ZNF280B: variants seen among roughly 807,000 people sequenced by gnomAD.
The protein encoded by ZNF280B is suppressor of hairy wing homolog 2.
A neutral mutation model predicts 38.0 loss-of-function variants in ZNF280B; 16 were observed. The observed-to-expected ratio is 0.42, with a 90% confidence interval of 0.28 to 0.64. ZNF280B has a LOEUF of 0.64. ZNF280B is among the 30% of genes least tolerant of loss of function. The probability of loss-of-function intolerance (pLI) is 0.21; values close to 1 mark genes in which losing one functional copy is unlikely to be tolerated. For missense variants in ZNF280B, 581 were observed against 639.6 expected, an observed-to-expected ratio of 0.91 and a Z score of 0.99; for synonymous variants, 253 against 230.6, an observed-to-expected ratio of 1.10 and a Z score of -0.88.
At chr22:22,508,881 CT>C (rs1266798265), upstream of ZNF280B, 4 of 152,248 alleles carry the variant, frequency 2.6e-5, no homozygotes, top group Admixed American at 1.3e-4. Flanking sequence ...TCTGACGCCC[CT>C]GGTGGCGACG....
In ZNF280B at chr22:22,489,142, A is replaced by G. The variant is rs1569174395; in HGVS notation, c.257T>C (p.Leu86Ser). Residue 86 changes from leucine to serine, a missense_variant, in exon 4 of 4, where the codon TTG becomes TCG. Transcript: ENST00000626650. ...DHLRKDTARKLQPKSHETVTS... is the reference protein window; with the variant it reads ...DHLRKDTARKSQPKSHETVTS... ...AACGGTCTCATGACTTTTAGGCTGC[A>G]ATTTGCGAGCAGTATCTTTTCTAAG... The G allele has an allele frequency of 1.2e-6, 2 of 1,613,846 alleles. No homozygotes were observed. The highest frequency in any genetic ancestry group is 1.7e-6 in the Non-Finnish European group (2 of 1,179,956).
In ZNF280B at chr22:22,493,661, C is replaced by G. The variant is rs377216388; in HGVS notation, c.-69+402G>C. Among the ~76,000 whole-genome samples the G allele has an allele frequency of 9.2e-5, 14 of 152,022 alleles. No individual in the cohort carries two copies. In the East Asian group the frequency reaches 1.8e-3, roughly 19 times the overall value. Reference sequence around the variant, plus strand: ...GTCCATTCCTATTAATGGCCCCCAGCCCAGGCCGCAACTTCTAGGTTTAGG... The same window carrying G: ...GTCCATTCCTATTAATGGCCCCCAGGCCAGGCCGCAACTTCTAGGTTTAGG... On this transcript the variant is annotated intron_variant, in intron 3 of 3. Coordinates refer to ENST00000626650, the MANE Select transcript of ZNF280B (RefSeq NM_080764.4).
In ZNF280B at chr22:22,488,541, A is replaced by G. The variant is rs1365026790; in HGVS notation, c.858T>C (p.Ser286=). 11 of 1,613,952 alleles carry G rather than the reference A, an allele frequency of 6.8e-6. No individual in the cohort carries two copies. Among genetic ancestry groups the G allele is most frequent in the Non-Finnish European group, 9.3e-6 (11 of 1,179,978 alleles). Residue 286 remains serine (S), a synonymous_variant, in exon 4 of 4, where the codon AGT becomes AGC. Coordinates refer to ENST00000626650, the MANE Select transcript of ZNF280B (RefSeq NM_080764.4). ...CTTTATGCTGTCCATAGTAAAAGTC[A>G]CTAAGTAACACAATGGGATTTTCTT... is the stretch of plus-strand genomic sequence containing the variant. The part of the protein sequence containing the change: ...PKKENPIVLL[S]DFYYGQHKGE...
At chr22:22,505,171 T>C (rs1049398156) in intron 2 of ZNF280B, among the ~76,000 whole-genome samples, 1 of 151,876 alleles carries the variant, frequency 6.6e-6, no homozygotes, top group African/African-American at 2.4e-5. Context: ...ATCAATAGGC[T>C]AACACAGGTG....
rs1173488022 is a variant in ZNF280B at position 22,487,514 on chromosome 22, T to A, written c.*253A>T. The A allele has an allele frequency of 1.3e-3, 433 of 330,998 alleles. 2 individuals carry two copies. Among genetic ancestry groups the A allele is most frequent in the Middle Eastern group, 8.4e-4 (1 of 1,186 alleles). 20.5% of individuals were successfully genotyped at this position (330,998 alleles called of 1,614,324 possible). ...AAATAAATTAATACCTTTTTCTCTC[T>A]CTCACACACACACACAAACACCTTT... On this transcript the variant is annotated 3_prime_UTR_variant, in exon 4 of 4. Transcript: ENST00000626650.
rs757638552 is a variant in ZNF280B, at chr22:22,488,735, C to T, written c.664G>A (p.Val222Ile). 10 of 1,613,800 alleles carry T rather than the reference C, an allele frequency of 6.2e-6. No homozygotes were observed. In the Admixed American group the frequency reaches 6.7e-5, roughly 11 times the overall value. The change falls in exon 4 of 4, where the codon GTT becomes ATT. Residue 222 changes from valine to isoleucine, a missense_variant. Coordinates refer to ENST00000626650, the MANE Select transcript of ZNF280B (RefSeq NM_080764.4). ...TGAACATGGCTTAATGAGGTATGAA[C>T]ATTATTTGAGGGTGTACTTTGCTGA... The part of the protein sequence containing the change: ...NTQQSTPSNN[V>I]HTSLSHVQNG...
chr22:22,507,223 C>T (rs1413260983), intron 2 of ZNF280B, among the ~76,000 whole-genome samples: 1 of 151,946 alleles, frequency 6.6e-6, no homozygotes, highest in African/African-American at 2.4e-5. Flanking sequence ...TCACTGAAAC[C>T]TCATGAGTGA....
intron 2 of ZNF280B, among the ~76,000 whole-genome samples, chr22:22,502,528 T>A (rs2061846130): frequency 6.6e-6 from 1 of 151,892 alleles, no homozygotes; most frequent in African/African-American, 2.4e-5. Flanking sequence ...AACAACCGAA[T>A]GTAAATTAAT....
rs772704960 is a variant in ZNF280B, at chr22:22,488,505, C to A, written c.894G>T (p.Gln298His). 8 of 1,613,812 alleles carry A rather than the reference C, an allele frequency of 5.0e-6. No homozygotes were observed. Among genetic ancestry groups the A allele is most frequent in the Non-Finnish European group, 5.9e-6 (7 of 1,179,994 alleles). ...FYYGQHKGEG[Q>H]PEQKTHTTFK... Reference sequence around the variant, plus strand: ...AGGTGGTGTGAGTCTTCTGTTCCGGCTGCCCTTCTCCTTTATGCTGTCCAT... The same window carrying A: ...AGGTGGTGTGAGTCTTCTGTTCCGGATGCCCTTCTCCTTTATGCTGTCCAT... The change falls in exon 4 of 4, where the codon CAG (glutamine) becomes CAT (histidine). Residue 298 changes from glutamine (Q) to histidine (H), a missense_variant. Coordinates refer to ENST00000626650, the MANE Select transcript of ZNF280B (RefSeq NM_080764.4).
chr22:22,493,832 G>A lies in ZNF280B; in HGVS notation c.-69+231C>T, dbSNP rs556480615. Among the ~76,000 whole-genome samples, 25 of 151,904 alleles carry A rather than the reference G, an allele frequency of 1.6e-4. No individual in the cohort carries two copies. In the South Asian group the frequency reaches 2.1e-3, roughly 13 times the overall value. ...TTATATCACTCTTCTATCCCTAAGC[G>A]TTAAATGATTCCTCCAATTCTAGAG... On this transcript the variant is annotated intron_variant, in intron 3 of 3. Coordinates refer to ENST00000626650, the MANE Select transcript of ZNF280B (RefSeq NM_080764.4).
At chr22:22,498,959 A>C (rs1372935585) in intron 2 of ZNF280B, among the ~76,000 whole-genome samples, 1 of 151,356 alleles carries the variant, frequency 6.6e-6, no homozygotes, top group Non-Finnish European at 1.5e-5. Context: ...CATCACGCCC[A>C]GCTAATTTTT....
At position 22,487,381 on chromosome 22, in the gene ZNF280B, T is replaced by C. The variant is rs117713049; in HGVS notation, c.*386A>G. On this transcript the variant is annotated 3_prime_UTR_variant, in exon 4 of 4. Coordinates refer to ENST00000626650, the MANE Select transcript of ZNF280B (RefSeq NM_080764.4). ...AATGCTTGAGCCTGGAAGTTCAAGG[T>C]TGCAGTGAGCTAGGATCACGCCACT... is the stretch of plus-strand genomic sequence containing the variant. 0.023 allele frequency: 3,361 copies of C among 147,364 alleles called. 62 individuals carry two copies. Among genetic ancestry groups the C allele is most frequent in the Middle Eastern group, 0.1 (28 of 280 alleles). 9.1% of individuals were successfully genotyped at this position (147,364 alleles called of 1,614,324 possible).
chr22:22,494,486 G>A (rs185196898), intron 2 of ZNF280B, among the ~76,000 whole-genome samples: 4 of 152,006 alleles, frequency 2.6e-5, no homozygotes, highest in African/African-American at 7.2e-5. Flanking sequence ...CTCTACAAAT[G>A]TCCACCAATG....
rs201100321 is a variant in ZNF280B at position 22,487,779 on chromosome 22, T to G, written c.1620A>C (p.Lys540Asn). 5.1e-5 allele frequency: 81 copies of G among 1,573,004 alleles called. No homozygotes were observed. Among genetic ancestry groups the G allele is most frequent in the Non-Finnish European group, 3.1e-5 (36 of 1,163,558 alleles). Reference sequence around the variant, plus strand: ...ACTGAAACTAGAATTAATGGGACTTTTTTGAAATTTTGCTTTTAGACCTGG... The same window carrying G: ...ACTGAAACTAGAATTAATGGGACTTGTTTGAAATTTTGCTTTTAGACCTGG... ...SLPRSKSKISKKSH is the reference protein window; with the variant it reads ...SLPRSKSKISNKSH Residue 540 changes from lysine (K) to asparagine (N), a missense_variant, in exon 4 of 4, where the codon AAA becomes AAC. Coordinates refer to ENST00000626650, the MANE Select transcript of ZNF280B (RefSeq NM_080764.4).
Position 22,488,687 on chromosome 22 carries a change from C to G in ZNF280B, c.712G>C (p.Ala238Pro), listed in dbSNP as rs2061536247. Residue 238 changes from alanine to proline, a missense_variant, in exon 4 of 4, where the codon GCT (alanine) becomes CCT (proline). Transcript: ENST00000626650. ...AAATGGATATTGTCCTTTGGAAAAG[C>G]TGCTGGAAAAGGTGCTCCATTCTGA... is the stretch of plus-strand genomic sequence containing the variant. ...HVQNGAPFPA[A>P]FPKDNIHFKP... 1.9e-6 allele frequency: 3 copies of G among 1,613,558 alleles called. No individual in the cohort carries two copies. Among genetic ancestry groups the G allele is most frequent in the African/African-American group, 1.3e-5 (1 of 74,800 alleles).
In ZNF280B at chr22:22,486,879, T is replaced by C. The variant is rs2061509074; in HGVS notation, c.*888A>G. ...AACTAACCTCCGCCTTCTTGGTCTC[T>C]GCTCACGCAGCAGCTTCTCTTTCAA... On this transcript the variant is annotated 3_prime_UTR_variant, in exon 4 of 4. Coordinates refer to ENST00000626650, the MANE Select transcript of ZNF280B (RefSeq NM_080764.4). 1 of 152,028 alleles carries C rather than the reference T, an allele frequency of 6.6e-6. No homozygotes were observed. The highest frequency in any genetic ancestry group is 2.1e-4 in the South Asian group (1 of 4,818). The allele number at this position is 152,028 out of a possible 1,614,324, so 9.4% of individuals were successfully genotyped here.
chr22:22,494,182 T>TA lies in ZNF280B; in HGVS notation c.-186-3dup, dbSNP rs2061651010. ...CATCTTGATCTTGAACTTCCCAGCC[T>TA]AAAAATGTGAGAAATGAATTCCTGT... On this transcript the variant is annotated splice_region_variant and splice_polypyrimidine_tract_variant and intron_variant, in intron 2 of 3. Coordinates refer to ENST00000626650, the MANE Select transcript of ZNF280B (RefSeq NM_080764.4). The TA allele has an allele frequency of 6.6e-6, 1 of 151,898 alleles. No individual in the cohort carries two copies. Among genetic ancestry groups the TA allele is most frequent in the Non-Finnish European group, 1.5e-5 (1 of 67,990 alleles). 9.4% of individuals were successfully genotyped at this position (151,898 alleles called of 1,614,324 possible).
In ZNF280B at chr22:22,488,313, G is replaced by A. The variant is rs368642212; in HGVS notation, c.1086C>T (p.Ile362=). The A allele has an allele frequency of 1.3e-5, 21 of 1,613,836 alleles. No individual in the cohort carries two copies. The highest frequency in any genetic ancestry group is 1.2e-4 in the Admixed American group (7 of 59,980). ...FPTPFQLQCH[I]ENVHTAQEPS... Reference sequence around the variant, plus strand: ...GCTCCTGGGCAGTGTGGACATTTTCGATGTGACACTGTAGCTGGAAGGGAG... The same window carrying A: ...GCTCCTGGGCAGTGTGGACATTTTCAATGTGACACTGTAGCTGGAAGGGAG... The change falls in exon 4 of 4, where the codon ATC becomes ATT. Residue 362 remains isoleucine, a synonymous_variant. Coordinates refer to ENST00000626650, the MANE Select transcript of ZNF280B (RefSeq NM_080764.4).
At chr22:22,498,789 T>C (rs1214855683) in intron 2 of ZNF280B, among the ~76,000 whole-genome samples, 12 of 124,154 alleles carry the variant, frequency 9.7e-5, no homozygotes, top group African/African-American at 3.4e-4. Context: ...TACAGGCCAA[T>C]ATCCTTTTTT....
Sources: allele counts gnomAD v4.1 joint callset (sites outside exome capture counted in the v4.1 genomes callset), GRCh38; gene constraint gnomAD v4.1.1; transcripts MANE v1.5; gene names NCBI Gene and HGNC (gene_info 2026-07-23, HGNC 2026-07-21).